Variants in LPP observed in about 807,000 individuals in gnomAD.
The protein encoded by LPP is lipoma-preferred partner.
LPP carries 38 observed loss-of-function variants against 60.4 expected under a neutral mutation model. That is an observed-to-expected ratio of 0.63 (90% confidence interval 0.49 to 0.83). The LOEUF (loss-of-function observed/expected upper bound fraction) is 0.83, where lower values mean the gene tolerates loss of function less well. Among genes scored for constraint, LPP ranks in the 40% least tolerant of loss-of-function variants. LPP has a pLI of 0.00. For synonymous variants in LPP, 328 were observed against 290.8 expected (o/e 1.13, Z -1.30); for missense variants, 902 against 783.6 (o/e 1.15, Z -1.80).
At chr3:188,160,516 T>G (rs775639807) in intron 1 of LPP, among the ~76,000 whole-genome samples, 5 of 152,228 alleles carry the variant, frequency 3.3e-5, no homozygotes, top group African/African-American at 4.8e-5. Context: ...AATCCATGCC[T>G]TTTCTTATGC....
intron 4 of LPP, among the ~76,000 whole-genome samples, chr3:188,441,609 C>CTTTTCTTTTTTTTT (rs1793896698): frequency 3.6e-5 from 2 of 55,670 alleles, no homozygotes; most frequent in African/African-American, 7.5e-5. Context: ...CTTTTCTTTT[C>CTTTTCTTTTTTTTT]TTTTTTTTTT....
At chr3:188,588,273 A>G (rs928502868) in intron 6 of LPP, among the ~76,000 whole-genome samples, 3 of 152,200 alleles carry the variant, frequency 2.0e-5, no homozygotes, top group African/African-American at 7.2e-5. Context: ...CTTACTCTTA[A>G]TGAAAAAACG....
intron 9 of LPP, among the ~76,000 whole-genome samples, chr3:188,786,673 G>A (rs1291530888): frequency 6.6e-6 from 1 of 152,084 alleles, no homozygotes; most frequent in African/African-American, 2.4e-5. Context: ...TCCCAACCTG[G>A]AAAAAACCCA....
intron 2 of LPP, among the ~76,000 whole-genome samples, chr3:188,249,533 A>G (rs557819441): frequency 6.6e-6 from 1 of 152,180 alleles, no homozygotes; most frequent in East Asian, 1.9e-4. Flanking sequence ...AAATATATAT[A>G]TATGTATGCA....
intron 7 of LPP, among the ~76,000 whole-genome samples, chr3:188,663,166 GTGTGAA>G (rs1437169641): frequency 1.6e-4 from 25 of 152,230 alleles, no homozygotes; most frequent in African/African-American, 6.0e-4. Context: ...AGGCATCTCT[GTGTGAA>G]TGTGAGCCTG....
intron 3 of LPP, among the ~76,000 whole-genome samples, chr3:188,372,933 C>T (rs994962236): frequency 6.6e-5 from 10 of 151,954 alleles, no homozygotes; most frequent in African/African-American, 2.4e-4. Context: ...GTTCAATTCC[C>T]ACCTATGAGT....
intron 4 of LPP, among the ~76,000 whole-genome samples, chr3:188,434,876 T>C (rs2149195467): frequency 6.6e-6 from 1 of 152,302 alleles, no homozygotes; most frequent in South Asian, 2.1e-4. Context: ...CTGTCTAATG[T>C]CTTTGTTTCC....
At chr3:188,752,086 C>T in intron 8 of LPP, among the ~76,000 whole-genome samples, 1 of 152,086 alleles carries the variant, frequency 6.6e-6, no homozygotes, top group East Asian at 1.9e-4. Context: ...TATATACTTC[C>T]TATAGTTTAA....
At chr3:188,776,559 A>T (rs554263460) in intron 9 of LPP, among the ~76,000 whole-genome samples, 41 of 152,336 alleles carry the variant, frequency 2.7e-4, no homozygotes, top group South Asian at 8.3e-4. Flanking sequence ...TCTTCCTCTG[A>T]TGGCATCTTA....
At chr3:188,260,139 A>C (rs1263278049) in intron 2 of LPP, among the ~76,000 whole-genome samples, 1 of 152,088 alleles carries the variant, frequency 6.6e-6, no homozygotes, top group Admixed American at 6.6e-5. Flanking sequence ...TCCCAGGTTC[A>C]AGCGATTCTC....
At chr3:188,318,388 A>G (rs185147882) in intron 2 of LPP, among the ~76,000 whole-genome samples, 10 of 150,156 alleles carry the variant, frequency 6.7e-5, no homozygotes, top group African/African-American at 2.0e-4. Context: ...AAGAGAAAAC[A>G]TTTTTCTAAA....
intron 4 of LPP, among the ~76,000 whole-genome samples, chr3:188,430,862 G>T (rs527958517): frequency 2.7e-4 from 41 of 151,980 alleles, no homozygotes; most frequent in African/African-American, 9.4e-4. Flanking sequence ...TTTATATGTA[G>T]AAGTTATTTG....
intron 9 of LPP, among the ~76,000 whole-genome samples, chr3:188,784,259 C>CA (rs767730851): frequency 2.7e-5 from 4 of 149,890 alleles, no homozygotes; most frequent in Non-Finnish European, 5.9e-5. Context: ...TTATTTCATT[C>CA]ATTTTTATGG....
intron 6 of LPP, among the ~76,000 whole-genome samples, chr3:188,577,770 T>TTCCTTCCTTCTG (rs1835051291): frequency 6.8e-6 from 1 of 146,684 alleles, no homozygotes; most frequent in Non-Finnish European, 1.5e-5. Flanking sequence ...CGTTCCTTCC[T>TTCCTTCCTTCTG]TCCTTCCTTC....
chr3:188,811,298 A>G (rs1484964944), intron 9 of LPP, among the ~76,000 whole-genome samples: 2 of 151,766 alleles, frequency 1.3e-5, no homozygotes, highest in African/African-American at 2.4e-5. Context: ...AAAGTGAAGG[A>G]AAAGTTACTG....
intron 4 of LPP, among the ~76,000 whole-genome samples, chr3:188,471,816 T>C (rs2149528729): frequency 6.6e-6 from 1 of 152,326 alleles, no homozygotes; most frequent in Non-Finnish European, 1.5e-5. Flanking sequence ...AAGAGCCAGA[T>C]ACTGGGAAGC....
In LPP at chr3:188,238,644, CTATTTAT is replaced by C. The variant is rs1172538825; in HGVS notation, c.-67+13119_-67+13125del. Among the ~76,000 whole-genome samples the C allele has an allele frequency of 7.0e-4, 107 of 152,166 alleles. 1 individual carries two copies. Among genetic ancestry groups the C allele is most frequent in the African/African-American group, 2.5e-3 (104 of 41,520 alleles). On this transcript the variant is annotated intron_variant, in intron 2 of 11. Coordinates refer to ENST00000617246, the MANE Select transcript of LPP (RefSeq NM_001375462.1). ...GGTCAGTGGAGCAGTCAGAACACAC[CTATTTAT>C]TGATCAAGTTTGCCATCTCATATGG...
At chr3:188,747,365 C>A (rs936136017) in intron 8 of LPP, among the ~76,000 whole-genome samples, 1 of 152,158 alleles carries the variant, frequency 6.6e-6, no homozygotes, top group Admixed American at 6.5e-5. Context: ...AACTTTTCTA[C>A]TTTAAAACCC....
intron 6 of LPP, among the ~76,000 whole-genome samples, chr3:188,556,666 T>G (rs1005940368): frequency 6.6e-6 from 1 of 151,996 alleles, no homozygotes; most frequent in East Asian, 1.9e-4. Context: ...CTCATTATGA[T>G]CTAATTACTT....
Sources: allele counts gnomAD v4.1 joint callset (sites outside exome capture counted in the v4.1 genomes callset), GRCh38; gene constraint gnomAD v4.1.1; transcripts MANE v1.5; gene names NCBI Gene and HGNC (gene_info 2026-07-23, HGNC 2026-07-21).